The following ELFN1 variants were observed in gnomAD, a reference collection of about 807,000 sequenced individuals.
ELFN1 encodes extracellular leucine rich repeat and fibronectin type III domain containing 1, also known as protein ELFN1.
ELFN1 carries 6 observed loss-of-function variants against 7.6 expected under a neutral mutation model. The ratio of observed to expected loss-of-function variants is 0.79; its 90% confidence interval spans 0.43 to 1.56. The LOEUF (loss-of-function observed/expected upper bound fraction) is 1.56, where lower values mean the gene tolerates loss of function less well. Among genes scored for constraint, ELFN1 ranks in the 40% most tolerant of loss-of-function variants. The pLI is 0.01. For missense variants in ELFN1, 1,169 were observed against 1,232.2 expected (o/e 0.95, Z 0.77); for synonymous variants, 657 against 588.1 (o/e 1.12, Z -1.70).
At chr7:1,674,450 G>A (rs993185882) in intron 1 of ELFN1, among the ~76,000 whole-genome samples, 3 of 152,102 alleles carry the variant, frequency 2.0e-5, no homozygotes, top group Non-Finnish European at 4.4e-5. Context: ...CCTGTGAGCC[G>A]GACCCAAGCT....
chr7:1,681,375 T>C (rs544139100), intron 1 of ELFN1, among the ~76,000 whole-genome samples: 1 of 152,238 alleles, frequency 6.6e-6, no homozygotes, highest in African/African-American at 2.4e-5. Context: ...AATTCTTTTT[T>C]TTCTTGAGAT....
upstream of ELFN1, among the ~76,000 whole-genome samples, chr7:1,668,494 G>C (rs1168803074): frequency 1.3e-5 from 2 of 152,242 alleles, no homozygotes; most frequent in Admixed American, 6.5e-5. Flanking sequence ...GGATAGGCTG[G>C]GGCCCGGAGC....
intron 3 of ELFN1, among the ~76,000 whole-genome samples, chr7:1,730,911 G>A (rs1384281699): frequency 6.6e-6 from 1 of 152,134 alleles, no homozygotes. Context: ...CCCAAGAGAA[G>A]CAACTGAGAA....
chr7:1,716,852 G>T (rs1371731948), intron 3 of ELFN1, among the ~76,000 whole-genome samples: 1 of 152,214 alleles, frequency 6.6e-6, no homozygotes, highest in Non-Finnish European at 1.5e-5. Context: ...CCATGGAGGG[G>T]GAGGGGAGAG....
intron 2 of ELFN1, among the ~76,000 whole-genome samples, chr7:1,708,766 C>T (rs562377232): frequency 6.6e-6 from 1 of 152,262 alleles, no homozygotes; most frequent in African/African-American, 2.4e-5. Context: ...CCTGGGCCAC[C>T]GCCAAGTGAC....
intron 3 of ELFN1, among the ~76,000 whole-genome samples, chr7:1,731,841 G>C (rs1268602497): frequency 6.6e-6 from 1 of 152,174 alleles, no homozygotes; most frequent in African/African-American, 2.4e-5. Flanking sequence ...GTAGAGACGG[G>C]GTTTTGCCAT....
At position 1,746,837 on chromosome 7, in the gene ELFN1, C is replaced by T; in HGVS notation, c.2241C>T (p.Asp747=). The change falls in exon 4 of 4, where the codon GAC becomes GAT. Residue 747 remains aspartate (D), a synonymous_variant. Coordinates refer to ENST00000424383, the MANE Select transcript of ELFN1 (RefSeq NM_001128636.4). ...CACTCACCCGGCCGCGGCCCCGCGA[C>T]CTCGCCTACTCGCAGCTGTCCCCGC... ...LEPLTRPRPR[D]LAYSQLSPQY... 1 of 1,537,196 alleles carries T rather than the reference C, an allele frequency of 6.5e-7. No individual in the cohort carries two copies. Among genetic ancestry groups the T allele is most frequent in the Non-Finnish European group, 8.8e-7 (1 of 1,141,260 alleles).
intron 1 of ELFN1, among the ~76,000 whole-genome samples, chr7:1,676,506 G>A (rs1311922541): frequency 6.6e-6 from 1 of 152,232 alleles, no homozygotes; most frequent in Admixed American, 6.5e-5. Context: ...GCTGTGGGGA[G>A]TGTAAATGGC....
At chr7:1,694,670 G>A (rs540845759) in intron 2 of ELFN1, among the ~76,000 whole-genome samples, 1 of 152,354 alleles carries the variant, frequency 6.6e-6, no homozygotes, top group African/African-American at 2.4e-5. Flanking sequence ...CTGCCCAGGT[G>A]CAGAGGCCCT....
intron 2 of ELFN1, chr7:1,693,036 C>T (rs1779206246): frequency 7.0e-6 from 2 of 286,964 alleles, no homozygotes; most frequent in Non-Finnish European, 1.4e-5. Context: ...AAAATGGGCG[C>T]AGGTCAGCCT....
chr7:1,718,207 C>T (rs1184480547), intron 3 of ELFN1, among the ~76,000 whole-genome samples: 2 of 152,204 alleles, frequency 1.3e-5, no homozygotes, highest in East Asian at 1.9e-4. Flanking sequence ...ACTCACGTCC[C>T]GTTGGCTAGA....
At chr7:1,688,180 T>C (rs1376216034) in intron 2 of ELFN1, 30 bp downstream of exon 2, 1 of 152,068 alleles carries the variant, frequency 6.6e-6, no homozygotes, top group Non-Finnish European at 1.5e-5. Flanking sequence ...GCCCCATTTT[T>C]CTATTGAGTT....
intron 3 of ELFN1, among the ~76,000 whole-genome samples, chr7:1,713,418 C>T (rs1779724259): frequency 6.6e-6 from 1 of 152,206 alleles, no homozygotes; most frequent in Non-Finnish European, 1.5e-5. Context: ...TTCCGAGATC[C>T]CTTCTAGGGA....
intron 1 of ELFN1, among the ~76,000 whole-genome samples, chr7:1,675,332 G>A (rs185380286): frequency 1.1e-3 from 163 of 152,340 alleles, no homozygotes; most frequent in African/African-American, 3.7e-3. Flanking sequence ...GGGCTCGGGG[G>A]CGGGGGTCTG....
At chr7:1,668,730 A>G (rs141489343), upstream of ELFN1, among the ~76,000 whole-genome samples, 2 of 152,224 alleles carry the variant, frequency 1.3e-5, no homozygotes, top group East Asian at 3.9e-4. Flanking sequence ...TGCAGTATCT[A>G]TCTGGTGGGT....
intron 2 of ELFN1, among the ~76,000 whole-genome samples, chr7:1,691,732 C>T (rs919266900): frequency 1.3e-5 from 2 of 152,196 alleles, no homozygotes; most frequent in African/African-American, 4.8e-5. Context: ...TCCATGTGAA[C>T]CATGGCCTCC....
intron 3 of ELFN1, among the ~76,000 whole-genome samples, chr7:1,715,577 G>A (rs1357775378): frequency 6.6e-6 from 1 of 152,206 alleles, no homozygotes; most frequent in Admixed American, 6.5e-5. Context: ...CTTCCCCGCT[G>A]CAATCAGCCT....
upstream of ELFN1, among the ~76,000 whole-genome samples, chr7:1,667,125 C>T (rs1190369306): frequency 6.6e-6 from 1 of 151,150 alleles, no homozygotes; most frequent in Non-Finnish European, 1.5e-5. This position sits in a 1 kb window ranked among gnomAD's most constrained non-coding sequence, Gnocchi z 8.2. Context: ...CTCGGGGTGT[C>T]GGCCCCCCCC....
At chr7:1,722,058 C>G (rs1321156106) in intron 3 of ELFN1, among the ~76,000 whole-genome samples, 2 of 152,120 alleles carry the variant, frequency 1.3e-5, no homozygotes, top group Non-Finnish European at 2.9e-5. Context: ...TGGTCAGGGG[C>G]CCGGGTGGCC....
Sources: gnomAD v4.1 joint callset for allele counts (sites outside exome capture counted in the v4.1 genomes callset) on GRCh38, gnomAD v4.1.1 for gene constraint, Gnocchi (gnomAD v3.1) non-coding constraint, MANE v1.5 for transcripts, NCBI Gene and HGNC (gene_info 2026-07-23, HGNC 2026-07-21) for gene names.